Variants in KLHL26 observed in about 807,000 individuals in gnomAD.
The protein encoded by KLHL26 is kelch like family member 26.
A neutral mutation model predicts 7.1 loss-of-function variants in KLHL26; 4 were observed. The ratio of observed to expected loss-of-function variants is 0.56; its 90% CI spans 0.28 to 1.28. The LOEUF (loss-of-function observed/expected upper bound fraction) is 1.28, where lower values mean the gene tolerates loss of function less well. Among genes scored for constraint, KLHL26 ranks in the 50% most tolerant of loss-of-function variants. The probability of loss-of-function intolerance (pLI) is 0.11; values close to 1 mark genes in which losing one functional copy is unlikely to be tolerated. For synonymous variants in KLHL26, 465 were observed against 414.1 expected, an observed-to-expected ratio of 1.12 and a Z score of -1.49; for missense variants, 896 against 924.6, an observed-to-expected ratio of 0.97 and a Z score of 0.40.
chr19:18,647,322 C>A (rs1976822266), intron 1 of KLHL26, among the ~76,000 whole-genome samples: 2 of 152,232 alleles, frequency 1.3e-5, no homozygotes, highest in Non-Finnish European at 2.9e-5. Flanking sequence ...ATCGCACCAT[C>A]TCCAGGGAGC....
intron 1 of KLHL26, among the ~76,000 whole-genome samples, chr19:18,638,544 G>C (rs11665980): frequency 6.6e-6 from 1 of 152,106 alleles, no homozygotes; most frequent in African/African-American, 2.4e-5. Context: ...GGAGCCAGGA[G>C]ATGTCAGAGG....
At chr19:18,663,605 C>T (rs2052413443) in intron 1 of KLHL26, among the ~76,000 whole-genome samples, 2 of 152,060 alleles carry the variant, frequency 1.3e-5, no homozygotes, top group South Asian at 2.1e-4. Flanking sequence ...TGCCTCAGCC[C>T]GGTGGGGGTG....
chr19:18,665,636 G>A (rs1170317237), intron 2 of KLHL26, among the ~76,000 whole-genome samples: 1 of 152,244 alleles, frequency 6.6e-6, no homozygotes, highest in African/African-American at 2.4e-5. Context: ...AGGCCATGGC[G>A]GGCACTGTCT....
At chr19:18,665,060 G>GT (rs775490262) in intron 2 of KLHL26, among the ~76,000 whole-genome samples, 2,994 of 136,230 alleles carry the variant, frequency 0.022, 37 homozygotes, top group South Asian at 0.054. Flanking sequence ...GATCTGTTTT[G>GT]TTTTTTTTTT....
intron 2 of KLHL26, among the ~76,000 whole-genome samples, 180 bp downstream of exon 2, chr19:18,664,623 C>A (rs1413344421): frequency 6.6e-6 from 1 of 152,026 alleles, no homozygotes; most frequent in Non-Finnish European, 1.5e-5. Context: ...GCGCTGTTGC[C>A]CAGGCTGGAG....
In KLHL26 at chr19:18,669,121, C is replaced by T. The variant is rs989235115; in HGVS notation, c.1724C>T (p.Thr575Met). The change falls in exon 3 of 3, where the codon ACG becomes ATG. Residue 575 changes from threonine to methionine, a missense_variant. Transcript: ENST00000300976. ...GGYNWRLNNVTGIVQVYNTDT... is the reference protein window; with the variant it reads ...GGYNWRLNNVMGIVQVYNTDT... Reference sequence around the variant, plus strand: ...TACAACTGGCGTCTCAACAACGTCACGGGCATCGTACAGGTGTACAACACG... The same window carrying T: ...TACAACTGGCGTCTCAACAACGTCATGGGCATCGTACAGGTGTACAACACG... 2 of 1,612,924 alleles carry T rather than the reference C, an allele frequency of 1.2e-6. No homozygotes were observed. The highest frequency in any genetic ancestry group is 1.7e-6 in the Non-Finnish European group (2 of 1,179,968).
intron 1 of KLHL26, among the ~76,000 whole-genome samples, chr19:18,639,403 GTTTTTTTTTTT>G (rs34034254): frequency 5.5e-4 from 39 of 71,232 alleles, no homozygotes; most frequent in African/African-American, 1.8e-3. Context: ...TTATCATTAA[GTTTTTTTTTTT>G]TTTTTTTTTT....
At chr19:18,652,655 C>T (rs2052273203) in intron 1 of KLHL26, among the ~76,000 whole-genome samples, 1 of 151,942 alleles carries the variant, frequency 6.6e-6, no homozygotes. Flanking sequence ...CATCCACCTG[C>T]CACCTCACTC....
intron 1 of KLHL26, among the ~76,000 whole-genome samples, chr19:18,642,667 G>A (rs1037356330): frequency 2.7e-5 from 4 of 150,622 alleles, no homozygotes; most frequent in Non-Finnish European, 5.9e-5. Flanking sequence ...CCCGGCTTGT[G>A]GTTTTTTGTT....
In KLHL26 at chr19:18,665,991, C is replaced by T. The variant is rs548714395; in HGVS notation, c.266+1548C>T. 6.6e-4 allele frequency among the ~76,000 whole-genome samples: 101 copies of T among 152,346 alleles called. 2 individuals carry two copies. The South Asian group carries it at 0.017, about 25-fold the overall frequency. ...TCTATTTTTATTCTGGATTTGGGGA[C>T]GGGTGGGCCAGCCCAGCCAGCAATG... On this transcript the variant is annotated intron_variant, in intron 2 of 2. Coordinates refer to ENST00000300976, the MANE Select transcript of KLHL26 (RefSeq NM_018316.3).
intron 1 of KLHL26, among the ~76,000 whole-genome samples, chr19:18,660,866 A>G (rs1015129577): frequency 1.0e-3 from 152 of 152,326 alleles, no homozygotes; most frequent in African/African-American, 3.5e-3. Context: ...TCACCAGGGC[A>G]TGAGGAGGAG....
Position 18,667,839 on chromosome 19 carries a change from G to A in KLHL26, c.442G>A (p.Val148Met), listed in dbSNP as rs566132604. Reference sequence around the variant, plus strand: ...GGCCGTGTTCTTGCAGATGCTGCCCGTGGTGGAGCTGTGCGAGGAGTTCCT... The same window carrying A: ...GGCCGTGTTCTTGCAGATGCTGCCCATGGTGGAGCTGTGCGAGGAGTTCCT... ...GAAVFLQMLP[V>M]VELCEEFLKA... The change falls in exon 3 of 3, where the codon GTG (valine) becomes ATG (methionine). Residue 148 changes from valine to methionine, a missense_variant. Transcript: ENST00000300976. The A allele has an allele frequency of 4.0e-5, 65 of 1,613,018 alleles. No homozygotes were observed. The highest frequency in any genetic ancestry group is 5.3e-5 in the Non-Finnish European group (62 of 1,179,986).
rs1248241968 is a variant in KLHL26, at chr19:18,650,847, C to T, written c.84-13414C>T. Reference sequence around the variant, plus strand: ...AGGCGGGGCTGCGGCTGGGGATGGCCGCCGCCCACTCGCCCTCAGAATGGC... The same window carrying T: ...AGGCGGGGCTGCGGCTGGGGATGGCTGCCGCCCACTCGCCCTCAGAATGGC... On this transcript the variant is annotated intron_variant, in intron 1 of 2. Coordinates refer to ENST00000300976, the MANE Select transcript of KLHL26 (RefSeq NM_018316.3). The surrounding 1 kb of genome is among the most constrained non-coding windows in gnomAD (Gnocchi z 4.2). 2.6e-5 allele frequency among the ~76,000 whole-genome samples: 4 copies of T among 152,168 alleles called. No individual in the cohort carries two copies. Among genetic ancestry groups the T allele is most frequent in the South Asian group, 2.1e-4 (1 of 4,832 alleles).
At position 18,669,277 on chromosome 19, in the gene KLHL26, G is replaced by T. The variant is rs759114488; in HGVS notation, c.*32G>T. On this transcript the variant is annotated 3_prime_UTR_variant, in exon 3 of 3. Coordinates refer to ENST00000300976, the MANE Select transcript of KLHL26 (RefSeq NM_018316.3). The stretch of plus-strand genomic sequence containing the variant: ...AGACCCCCGGGACCCTGGCCTGACC[G>T]CATGTTGTCTCCAAGTGGGGCTTGG... 6 of 1,540,518 alleles carry T rather than the reference G, an allele frequency of 3.9e-6. No individual in the cohort carries two copies. The highest frequency in any genetic ancestry group is 3.4e-5 in the South Asian group (3 of 87,974).
chr19:18,640,588 T>G (rs535862382), intron 1 of KLHL26, among the ~76,000 whole-genome samples: 1 of 139,826 alleles, frequency 7.2e-6, no homozygotes, highest in South Asian at 2.4e-4. Flanking sequence ...AGATGGAGTC[T>G]CTCTCTGTTG....
chr19:18,654,764 T>G (rs1568458808), intron 1 of KLHL26, among the ~76,000 whole-genome samples: 2 of 150,574 alleles, frequency 1.3e-5, no homozygotes, highest in Admixed American at 1.3e-4. Context: ...CACCCGCCCA[T>G]TTACCCATCC....
In KLHL26 at chr19:18,650,501, C is replaced by G. The variant is rs2052240266; in HGVS notation, c.83+13364C>G. ...CGCGTTCTCCTTGGTGAAGTCCGTC[C>G]TGTCCCAGGAGGGCTGCGCTAGGTC... On this transcript the variant is annotated intron_variant, in intron 1 of 2. Coordinates refer to ENST00000300976, the MANE Select transcript of KLHL26 (RefSeq NM_018316.3). The surrounding 1 kb of genome is among the most constrained non-coding windows in gnomAD (Gnocchi z 4.2). Among the ~76,000 whole-genome samples, 3 of 152,198 alleles carry G rather than the reference C, an allele frequency of 2.0e-5. No homozygotes were observed. The highest frequency in any genetic ancestry group is 1.3e-4 in the Admixed American group (2 of 15,276).
At chr19:18,647,785 A>G (rs1976832037) in intron 1 of KLHL26, among the ~76,000 whole-genome samples, 1 of 152,176 alleles carries the variant, frequency 6.6e-6, no homozygotes, top group Non-Finnish European at 1.5e-5. Flanking sequence ...TACTGAAGGC[A>G]AGGGGTGACT....
At chr19:18,660,856 T>C (rs2052385271) in intron 1 of KLHL26, among the ~76,000 whole-genome samples, 1 of 152,160 alleles carries the variant, frequency 6.6e-6, no homozygotes, top group Non-Finnish European at 1.5e-5. Flanking sequence ...GCGTCAGGCA[T>C]CACCAGGGCA....
Sources: gnomAD v4.1 joint callset for allele counts (sites outside exome capture counted in the v4.1 genomes callset) on GRCh38, gnomAD v4.1.1 for gene constraint, Gnocchi (gnomAD v3.1) non-coding constraint, MANE v1.5 for transcripts, NCBI Gene and HGNC (gene_info 2026-07-23, HGNC 2026-07-21) for gene names.